The following TRPM3 variants were observed in gnomAD, a reference collection of about 807,000 sequenced individuals.
TRPM3 encodes long transient receptor potential channel 3.
A neutral mutation model predicts 181.2 loss-of-function variants in TRPM3; 77 were observed. The observed-to-expected ratio is 0.42, with a 90% CI of 0.35 to 0.51. TRPM3 has a LOEUF of 0.51. Among genes scored for constraint, TRPM3 ranks in the 20% least tolerant of loss-of-function variants. TRPM3 has a pLI of 0.01. For synonymous variants in TRPM3, 745 were observed against 796.4 expected, an observed-to-expected ratio of 0.94 and a Z score of 1.09; for missense variants, 1,759 against 2,196.7, an observed-to-expected ratio of 0.80 and a Z score of 3.98.
intron 1 of TRPM3, among the ~76,000 whole-genome samples, chr9:71,339,369 G>T (rs1252264588): frequency 6.6e-6 from 1 of 151,954 alleles, no homozygotes; most frequent in Admixed American, 6.6e-5. Flanking sequence ...AGAATAACTA[G>T]AAAACAGTCA....
intron 1 of TRPM3, among the ~76,000 whole-genome samples, chr9:71,119,803 T>C (rs997003023): frequency 7.2e-5 from 11 of 152,174 alleles, no homozygotes; most frequent in South Asian, 2.1e-4. Flanking sequence ...CTCATTCTTT[T>C]TCTTGCCCTA....
intron 1 of TRPM3, among the ~76,000 whole-genome samples, chr9:71,153,119 G>A (rs917026469): frequency 5.3e-5 from 8 of 152,034 alleles, no homozygotes; most frequent in African/African-American, 1.7e-4. Context: ...TGAGCCCAGG[G>A]AAAGCAGTAC....
At chr9:70,589,570 G>T (rs141557986) in intron 22 of TRPM3, among the ~76,000 whole-genome samples, 1 of 152,300 alleles carries the variant, frequency 6.6e-6, no homozygotes, top group East Asian at 1.9e-4. Flanking sequence ...TTTGCCTTTA[G>T]GGACTGTTTG....
Position 71,204,395 on chromosome 9 carries a change from A to G in TRPM3, c.183+242258T>C, listed in dbSNP as rs556376415. On this transcript the variant is annotated intron_variant, in intron 1 of 24. Coordinates refer to the TRPM3 transcript ENST00000357533. ...AAAACAAACAACCCCATGAACAAGT[A>G]GGCAAAGGATATGAACAGCCACTTC... Among the ~76,000 whole-genome samples, 41 of 152,256 alleles carry G rather than the reference A, an allele frequency of 2.7e-4. 1 individual carries two copies. The South Asian group carries it at 6.6e-3, about 25-fold the overall frequency.
chr9:71,392,505 A>G (rs1277671581), intron 1 of TRPM3, among the ~76,000 whole-genome samples: 1 of 151,964 alleles, frequency 6.6e-6, no homozygotes, highest in African/African-American at 2.4e-5. Flanking sequence ...TTGGCTGGGT[A>G]TTGGTTTTTT....
rs76922491 is a variant in TRPM3, at chr9:70,923,555, G to A, written c.178-59044C>T. On this transcript the variant is annotated intron_variant, in intron 1 of 25. Transcript: ENST00000677713. The stretch of plus-strand genomic sequence containing the variant: ...TATTTTACCAAGAATTGGATATAAA[G>A]TAATGCCATTAATACAAGGAGAAAA... Among the ~76,000 whole-genome samples the A allele has an allele frequency of 3.2e-3, 490 of 152,154 alleles. 6 individuals are homozygous for A. The highest frequency in any genetic ancestry group is 0.011 in the African/African-American group (454 of 41,516).
At chr9:71,274,867 T>A (rs997446892) in intron 1 of TRPM3, among the ~76,000 whole-genome samples, 3 of 152,210 alleles carry the variant, frequency 2.0e-5, no homozygotes, top group Admixed American at 2.0e-4. Context: ...TCCAGTGATT[T>A]AACTAATTTC....
chr9:70,837,360 C>T (rs1293964311), intron 5 of TRPM3, among the ~76,000 whole-genome samples: 1 of 152,114 alleles, frequency 6.6e-6, no homozygotes, highest in Non-Finnish European at 1.5e-5. Flanking sequence ...CCCTTACAGG[C>T]TATAAAACTT....
intron 21 of TRPM3, among the ~76,000 whole-genome samples, chr9:70,591,571 G>T (rs2058114137): frequency 6.6e-6 from 1 of 152,130 alleles, no homozygotes; most frequent in African/African-American, 2.4e-5. Flanking sequence ...TCTGCTCCTG[G>T]GGGAGGCAAG....
intron 1 of TRPM3, among the ~76,000 whole-genome samples, chr9:71,022,621 G>A (rs72731749): frequency 2.0e-4 from 31 of 152,070 alleles, no homozygotes; most frequent in Middle Eastern, 3.4e-3. Flanking sequence ...TATTTTGAGC[G>A]TAGGAGTTTA....
intron 8 of TRPM3, chr9:70,761,358 T>C (rs1339603426): frequency 1.4e-5 from 9 of 648,916 alleles, no homozygotes; most frequent in Non-Finnish European, 2.3e-5. Flanking sequence ...GTCAGAGCGT[T>C]TGGATGAGCT....
intron 7 of TRPM3, among the ~76,000 whole-genome samples, chr9:70,767,607 A>T (rs2079403381): frequency 6.6e-6 from 1 of 152,180 alleles, no homozygotes; most frequent in African/African-American, 2.4e-5. Context: ...AATAGCTGGA[A>T]TGGCTGATGA....
intron 8 of TRPM3, among the ~76,000 whole-genome samples, chr9:70,698,013 G>C (rs1262766315): frequency 2.6e-5 from 4 of 152,056 alleles, no homozygotes; most frequent in Non-Finnish European, 5.9e-5. Context: ...TTCGAGACCA[G>C]CCTAGCCAAC....
intron 22 of TRPM3, among the ~76,000 whole-genome samples, chr9:70,562,644 G>A (rs888983650): frequency 5.3e-5 from 8 of 149,786 alleles, no homozygotes; most frequent in South Asian, 2.1e-4. Flanking sequence ...GGGGAAGAGC[G>A]TCCTGGGGGA....
chr9:71,092,756 G>C (rs1018912859), intron 1 of TRPM3, among the ~76,000 whole-genome samples: 1 of 152,086 alleles, frequency 6.6e-6, no homozygotes, highest in Admixed American at 6.6e-5. Context: ...TACATTAAAT[G>C]TTGTGATAAA....
intron 17 of TRPM3, among the ~76,000 whole-genome samples, chr9:70,618,443 A>G (rs932245360): frequency 6.6e-5 from 10 of 152,214 alleles, no homozygotes; most frequent in Admixed American, 5.2e-4. Flanking sequence ...AGACCTCTCA[A>G]GCACATCTGG....
chr9:70,886,884 C>T (rs558883525), intron 1 of TRPM3, among the ~76,000 whole-genome samples: 73 of 152,170 alleles, frequency 4.8e-4, no homozygotes, highest in Non-Finnish European at 7.6e-4. Context: ...AAGCCAGTTT[C>T]GAACTCCTGA....
At chr9:70,614,783 G>A (rs757893986) in intron 18 of TRPM3, among the ~76,000 whole-genome samples, 4 of 152,142 alleles carry the variant, frequency 2.6e-5, no homozygotes, top group Admixed American at 2.6e-4. Context: ...CAGAGCACAT[G>A]TTCAGCTGAA....
At position 71,319,229 on chromosome 9, in the gene TRPM3, G is replaced by A. The variant is rs535805132; in HGVS notation, c.183+127424C>T. On this transcript the variant is annotated intron_variant, in intron 1 of 24. Coordinates refer to the TRPM3 transcript ENST00000357533. ...ACAGAGCCAATAGTCTACACATAGA[G>A]ACCTAGAAAGAGGTTAATGACCGCT... Among the ~76,000 whole-genome samples the A allele has an allele frequency of 5.4e-5, 5 of 92,736 alleles. 1 individual carries two copies. In the East Asian group the frequency reaches 2.0e-3, roughly 36 times the overall value. The allele number at this position is 92,736 out of a possible 152,430, so 60.8% of individuals were successfully genotyped here.
Sources: allele counts gnomAD v4.1 joint callset (sites outside exome capture counted in the v4.1 genomes callset), GRCh38; gene constraint gnomAD v4.1.1; transcripts MANE v1.5; gene names NCBI Gene and HGNC (gene_info 2026-07-23, HGNC 2026-07-21).